The following GALNT13 variants were observed in gnomAD, a reference collection of about 807,000 sequenced individuals.
The protein encoded by GALNT13 is UDP-GalNAc:polypeptide N-acetylgalactosaminyltransferase 13.
A neutral mutation model predicts 64.2 loss-of-function variants in GALNT13; 28 were observed. That is an observed-to-expected ratio of 0.44 (90% CI 0.32 to 0.60). The LOEUF (loss-of-function observed/expected upper bound fraction) is 0.60. GALNT13 is among the 20% of genes least tolerant of loss of function. The pLI, the probability that GALNT13 is intolerant of heterozygous loss-of-function variation, is 0.05. For synonymous variants in GALNT13, 214 were observed against 224.6 expected (o/e 0.95, Z 0.42); for missense variants, 577 against 669.8 (o/e 0.86, Z 1.53).
the GALNT13 span, among the ~76,000 whole-genome samples, chr2:153,401,400 C>G: frequency 6.6e-6 from 1 of 151,600 alleles, no homozygotes; most frequent in Admixed American, 6.6e-5. Context: ...AATGTATATT[C>G]TGTTGATTTG....
chr2:154,203,298 A>G (rs1303284479), intron 4 of GALNT13, among the ~76,000 whole-genome samples: 1 of 152,102 alleles, frequency 6.6e-6, no homozygotes, highest in Non-Finnish European at 1.5e-5. Context: ...CATGTTTAAC[A>G]TCTGGATGAT....
At chr2:154,391,733 T>A (rs1265894177) in intron 9 of GALNT13, among the ~76,000 whole-genome samples, 1 of 152,208 alleles carries the variant, frequency 6.6e-6, no homozygotes, top group South Asian at 2.1e-4. Flanking sequence ...TCACAATATC[T>A]TGTAAGATAT....
chr2:154,253,009 T>C (rs939024541), intron 7 of GALNT13, among the ~76,000 whole-genome samples: 1 of 152,210 alleles, frequency 6.6e-6, no homozygotes, highest in Admixed American at 6.5e-5. Flanking sequence ...AAGCAACTTA[T>C]AATCTTGGTA....
At chr2:153,097,247 A>G in the GALNT13 span, among the ~76,000 whole-genome samples, 1 of 152,064 alleles carries the variant, frequency 6.6e-6, no homozygotes, top group Non-Finnish European at 1.5e-5. Context: ...TGTAATTATT[A>G]TTTTTGATCA....
the GALNT13 span, among the ~76,000 whole-genome samples, chr2:153,553,756 A>G: frequency 2.6e-5 from 4 of 152,138 alleles, no homozygotes; most frequent in Non-Finnish European, 5.9e-5. Context: ...GGCTGTGAGG[A>G]TGAAGAAGCA....
the GALNT13 span, among the ~76,000 whole-genome samples, chr2:153,226,521 T>C: frequency 2.0e-5 from 3 of 152,192 alleles, no homozygotes; most frequent in Non-Finnish European, 4.4e-5. Context: ...CTTGATATAA[T>C]GTAATGAAAA....
the GALNT13 span, among the ~76,000 whole-genome samples, chr2:153,846,282 A>T: frequency 1.3e-5 from 2 of 152,166 alleles, no homozygotes; most frequent in African/African-American, 4.8e-5. Context: ...GTAGAATTTA[A>T]ACAGAGGACT....
At chr2:153,320,441 A>G in the GALNT13 span, among the ~76,000 whole-genome samples, 2 of 152,326 alleles carry the variant, frequency 1.3e-5, no homozygotes, top group South Asian at 4.1e-4. Flanking sequence ...CTAGAGATAT[A>G]AAAGTGAACA....
chr2:153,574,479 G>T, the GALNT13 span, among the ~76,000 whole-genome samples: 1 of 151,798 alleles, frequency 6.6e-6, no homozygotes, highest in Non-Finnish European at 1.5e-5. Context: ...CACCTTTAAG[G>T]CCTTAAATTT....
intron 9 of GALNT13, among the ~76,000 whole-genome samples, chr2:154,352,167 T>C (rs1279357619): frequency 1.3e-5 from 2 of 152,238 alleles, no homozygotes; most frequent in African/African-American, 4.8e-5. Flanking sequence ...AAGTTGAAGT[T>C]AAAGGAAATA....
intron 2 of GALNT13, among the ~76,000 whole-genome samples, chr2:153,913,250 C>A (rs1462238155): frequency 6.6e-6 from 1 of 152,090 alleles, no homozygotes; most frequent in East Asian, 1.9e-4. Flanking sequence ...GGCTTTCATG[C>A]CTGCCAATGC....
At chr2:154,204,520 A>G (rs1687337312) in intron 4 of GALNT13, among the ~76,000 whole-genome samples, 1 of 152,182 alleles carries the variant, frequency 6.6e-6, no homozygotes, top group Admixed American at 6.5e-5. Flanking sequence ...AAGACTCACA[A>G]TTATTCTAAC....
the GALNT13 span, among the ~76,000 whole-genome samples, chr2:153,484,100 T>A: frequency 6.6e-6 from 1 of 152,218 alleles, no homozygotes; most frequent in African/African-American, 2.4e-5. Flanking sequence ...ATATTTACAT[T>A]TTTGAAAATA....
At chr2:154,057,092 C>T (rs931850133) in intron 3 of GALNT13, among the ~76,000 whole-genome samples, 6 of 151,982 alleles carry the variant, frequency 3.9e-5, no homozygotes, top group African/African-American at 1.5e-4. Flanking sequence ...TACAGTGGCG[C>T]AATCTTGGCT....
chr2:153,361,472 T>G, the GALNT13 span, among the ~76,000 whole-genome samples: 8 of 152,076 alleles, frequency 5.3e-5, no homozygotes, highest in East Asian at 1.6e-3. Flanking sequence ...GTAAGAACCT[T>G]GATAAAAGGT....
intron 10 of GALNT13, among the ~76,000 whole-genome samples, chr2:154,398,501 A>G (rs2105367948): frequency 7.2e-6 from 1 of 138,242 alleles, no homozygotes; most frequent in Middle Eastern, 3.8e-3. Context: ...CTGATTTCAA[A>G]TTAGCTATCT....
At chr2:153,256,340 G>A in the GALNT13 span, among the ~76,000 whole-genome samples, 2 of 152,078 alleles carry the variant, frequency 1.3e-5, no homozygotes, top group Admixed American at 6.5e-5. Flanking sequence ...GCACTTCTCT[G>A]TATCGGTTAG....
At chr2:153,869,388 G>A (rs996263943), upstream of GALNT13, among the ~76,000 whole-genome samples, 43 of 151,974 alleles carry the variant, frequency 2.8e-4, no homozygotes, top group African/African-American at 9.2e-4. Flanking sequence ...TAGTAGTCAT[G>A]GTTTTTAAAT....
At chr2:153,156,579 A>C in the GALNT13 span, among the ~76,000 whole-genome samples, 1 of 152,160 alleles carries the variant, frequency 6.6e-6, no homozygotes, top group Non-Finnish European at 1.5e-5. Flanking sequence ...AGACACTTCT[A>C]GTAGATTTGA....
Sources: allele counts gnomAD v4.1 joint callset (sites outside exome capture counted in the v4.1 genomes callset), GRCh38; gene constraint gnomAD v4.1.1; transcripts MANE v1.5; gene names NCBI Gene and HGNC (gene_info 2026-07-23, HGNC 2026-07-21).